The following CCDC40 variants were observed in gnomAD, a reference collection of about 807,000 sequenced individuals.
The protein encoded by CCDC40 is coiled-coil domain 40 molecular ruler complex subunit.
In CCDC40, 104 loss-of-function variants were observed where a neutral mutation model predicts 124.5. The observed-to-expected ratio is 0.84, with a 90% CI of 0.71 to 0.98. The LOEUF is 0.98. Among genes scored for constraint, CCDC40 ranks in the 50% least tolerant of loss-of-function variants. The pLI is 0.00. For synonymous variants in CCDC40, 580 were observed against 602.9 expected (o/e 0.96, Z 0.56); for missense variants, 1,463 against 1,503.9 (o/e 0.97, Z 0.45).
intron 10 of CCDC40, among the ~76,000 whole-genome samples, chr17:80,073,722 G>A (rs2038246661): frequency 6.6e-6 from 1 of 151,896 alleles, no homozygotes; most frequent in Non-Finnish European, 1.5e-5. Flanking sequence ...ATTTATTTTT[G>A]AGACACTCTG....
intron 17 of CCDC40, chr17:80,090,464 C>A (rs1231478034): frequency 8.1e-7 from 1 of 1,239,756 alleles, no homozygotes; most frequent in African/African-American, 3.0e-5. Context: ...CGTGCATGAA[C>A]AACACAGGAC....
Position 80,066,025 on chromosome 17 carries a change from A to G in CCDC40, c.1562+419A>G, listed in dbSNP as rs1598511688. ...TTTTAATCTCCAAAGGAAGGGGAGG[A>G]AGAGGCCTCCTCTGGGCATCCCCTC... On this transcript the variant is annotated intron_variant, in intron 10 of 19. Coordinates refer to ENST00000397545, the MANE Select transcript of CCDC40 (RefSeq NM_017950.4). The surrounding 1 kb of genome is among the most constrained non-coding windows in gnomAD (Gnocchi z 4.4). 1.5e-6 allele frequency: 1 copy of G among 686,734 alleles called. No individual in the cohort carries two copies. Among genetic ancestry groups the G allele is most frequent in the South Asian group, 1.5e-5 (1 of 66,722 alleles). 42.5% of individuals were successfully genotyped at this position (686,734 alleles called of 1,614,324 possible).
Position 80,037,688 on chromosome 17 carries a change from A to AAAAAAAATAT in CCDC40, c.30-434_30-433insAAAAAATATA. Among the ~76,000 whole-genome samples the AAAAAAAATAT allele has an allele frequency of 1.2e-3, 53 of 45,706 alleles. 2 individuals carry two copies. Among genetic ancestry groups the AAAAAAAATAT allele is most frequent in the Non-Finnish European group, 2.4e-3 (44 of 18,484 alleles). 30.0% of individuals were successfully genotyped at this position (45,706 alleles called of 152,430 possible). ...AGCTTGAATCTTTAATTTTTTAAAA[A>AAAAAAAATAT]AGATATACATATATATATATATATA... On this transcript the variant is annotated intron_variant, in intron 1 of 19. Transcript: ENST00000397545.
At chr17:80,040,837 G>C (rs2037260148) in intron 3 of CCDC40, among the ~76,000 whole-genome samples, 1 of 152,150 alleles carries the variant, frequency 6.6e-6, no homozygotes, top group South Asian at 2.1e-4. Context: ...AAGTTCCCAG[G>C]CTTCCAGAGC....
chr17:80,060,640 A>G (rs1185766137), intron 9 of CCDC40, among the ~76,000 whole-genome samples: 1 of 152,216 alleles, frequency 6.6e-6, no homozygotes, highest in Admixed American at 6.6e-5. Context: ...CCAATGAAAT[A>G]TGATCATACC....
Position 80,086,153 on chromosome 17 carries a change from G to A in CCDC40, c.2386G>A (p.Ala796Thr), listed in dbSNP as rs751199548. Residue 796 changes from alanine to threonine, a missense_variant, in exon 14 of 20, where the codon GCC (alanine) becomes ACC (threonine). Transcript: ENST00000397545. This position sits in a 1 kb window ranked among gnomAD's most constrained non-coding sequence, Gnocchi z 5.5. ...KVTQEQEEQL[A>T]SLDASKKELH... is the part of the protein sequence containing the mutation. ...GACACAGGAGCAGGAGGAGCAGCTG[G>A]CCTCCCTGGACGCATCCAAGAAGGA... 1 of 1,613,936 alleles carries A rather than the reference G, an allele frequency of 6.2e-7. No individual in the cohort carries two copies.
intron 10 of CCDC40, among the ~76,000 whole-genome samples, chr17:80,080,888 G>T (rs528869943): frequency 6.6e-5 from 10 of 152,186 alleles, no homozygotes; most frequent in Non-Finnish European, 2.9e-5. Flanking sequence ...CGGTAAGTTA[G>T]TGTATATTTC....
At chr17:80,091,787 T>C (rs943815247) in intron 17 of CCDC40, among the ~76,000 whole-genome samples, 26 of 152,152 alleles carry the variant, frequency 1.7e-4, no homozygotes, top group Admixed American at 9.2e-4. Context: ...TTTTTTCTTC[T>C]AGACTATGTT....
rs755159452 is a variant in CCDC40 at position 80,040,188 on chromosome 17, C to G, written c.470C>G (p.Thr157Ser). ...GPPESRERRVTSPEPSHGVLG... is the reference protein window; with the variant it reads ...GPPESRERRVSSPEPSHGVLG... ...CCAGAATCCAGAGAAAGGAGGGTCA[C>G]CTCCCCAGAGCCATCCCACGGAGTC... is the stretch of plus-strand genomic sequence containing the variant. Residue 157 changes from threonine to serine, a missense_variant, in exon 3 of 20, where the codon ACC becomes AGC. Physicochemically the swap from Thr to Ser is moderately conservative, Grantham distance 58. Coordinates refer to ENST00000397545, the MANE Select transcript of CCDC40 (RefSeq NM_017950.4). The G allele has an allele frequency of 6.2e-7, 1 of 1,613,884 alleles. No homozygotes were observed. Among genetic ancestry groups the G allele is most frequent in the East Asian group, 2.2e-5 (1 of 44,874 alleles).
chr17:80,069,091 C>T (rs1236958139), intron 10 of CCDC40, among the ~76,000 whole-genome samples: 1 of 152,226 alleles, frequency 6.6e-6, no homozygotes, highest in Non-Finnish European at 1.5e-5. Context: ...TCCTGACACC[C>T]ATGGCATTTT....
chr17:80,078,788 C>T (rs1221571060), intron 10 of CCDC40, among the ~76,000 whole-genome samples: 9 of 152,058 alleles, frequency 5.9e-5, no homozygotes, highest in Non-Finnish European at 1.2e-4. Flanking sequence ...TTAAAACTTG[C>T]TTGTCAATTT....
At chr17:80,084,642 C>G in intron 12 of CCDC40, 101 bp from the exon 13 acceptor site, 1 of 1,422,406 alleles carries the variant, frequency 7.0e-7, no homozygotes, top group Non-Finnish European at 9.8e-7. Flanking sequence ...TGGAATATCT[C>G]CAGAGGAACA....
chr17:80,091,929 A>G (rs922501102), intron 17 of CCDC40: 1 of 151,222 alleles, frequency 6.6e-6, no homozygotes, highest in Non-Finnish European at 1.5e-5. Flanking sequence ...TTATTTATCT[A>G]TCTTTTTTTT....
intron 9 of CCDC40, among the ~76,000 whole-genome samples, chr17:80,063,269 A>G (rs1227008293): frequency 1.3e-5 from 2 of 152,170 alleles, no homozygotes; most frequent in East Asian, 3.8e-4. Context: ...TCACAGGTGT[A>G]AGAAGTTAGA....
At chr17:80,063,206 T>G (rs1028594341) in intron 9 of CCDC40, among the ~76,000 whole-genome samples, 4 of 151,864 alleles carry the variant, frequency 2.6e-5, no homozygotes, top group Non-Finnish European at 5.9e-5. Flanking sequence ...AAAAAAAAAT[T>G]AATAGGAGAT....
chr17:80,063,899 C>T (rs1002285218), intron 9 of CCDC40, among the ~76,000 whole-genome samples: 46 of 152,096 alleles, frequency 3.0e-4, no homozygotes, highest in African/African-American at 1.0e-3. Context: ...GTGACTGATA[C>T]GCTAATTACC....
rs1371835117 is a variant in CCDC40 at position 80,099,976 on chromosome 17, G to A, written c.*201G>A. ...TTAATAAACCAGGTAAAATCCTAGC[G>A]TTTCCCATGGCATCCCATCGCAAAG... is the stretch of plus-strand genomic sequence containing the variant. On this transcript the variant is annotated 3_prime_UTR_variant, in exon 20 of 20. Transcript: ENST00000397545. 1.6e-6 allele frequency: 1 copy of A among 617,868 alleles called. No homozygotes were observed. The highest frequency in any genetic ancestry group is 2.0e-5 in the South Asian group (1 of 51,162). 38.3% of individuals were successfully genotyped at this position (617,868 alleles called of 1,614,324 possible).
chr17:80,041,069 TCA>T (rs1363963879), intron 3 of CCDC40, among the ~76,000 whole-genome samples: 2 of 152,186 alleles, frequency 1.3e-5, no homozygotes, highest in Non-Finnish European at 2.9e-5. Flanking sequence ...CTTTAAACAA[TCA>T]CAAAGTTACA....
intron 17 of CCDC40, among the ~76,000 whole-genome samples, chr17:80,091,227 T>C (rs1395846787): frequency 1.3e-5 from 2 of 152,124 alleles, no homozygotes; most frequent in African/African-American, 4.8e-5. Flanking sequence ...TTGTTTCCAA[T>C]TTGTTGTTGG....
Sources: allele counts gnomAD v4.1 joint callset (sites outside exome capture counted in the v4.1 genomes callset), GRCh38; gene constraint gnomAD v4.1.1; non-coding constraint Gnocchi (gnomAD v3.1); transcripts MANE v1.5; gene names NCBI Gene and HGNC (gene_info 2026-07-23, HGNC 2026-07-21).